Variants in TAF4B observed in about 807,000 individuals in gnomAD.
The protein encoded by TAF4B is transcription initiation factor TFIID subunit 4B.
In TAF4B, 38 loss-of-function variants were observed where a neutral mutation model predicts 86.4. The ratio of observed to expected loss-of-function variants is 0.44; its 90% CI spans 0.34 to 0.58. TAF4B has a LOEUF of 0.58. TAF4B is among the 20% of genes least tolerant of loss of function. The probability of loss-of-function intolerance (pLI) is 0.02; values close to 1 mark genes in which losing one functional copy is unlikely to be tolerated. For missense variants in TAF4B, 988 were observed against 1,027.6 expected, an observed-to-expected ratio of 0.96 and a Z score of 0.53; for synonymous variants, 388 against 391.2, an observed-to-expected ratio of 0.99 and a Z score of 0.10.
chr18:26,333,617 G>C (rs1265071980), intron 12 of TAF4B, among the ~76,000 whole-genome samples: 1 of 152,084 alleles, frequency 6.6e-6, no homozygotes, highest in Non-Finnish European at 1.5e-5. Context: ...TCTCGAACTT[G>C]AGCTCAAATA....
At chr18:26,343,075 T>A (rs2144710026) in intron 13 of TAF4B, among the ~76,000 whole-genome samples, 1 of 152,296 alleles carries the variant, frequency 6.6e-6, no homozygotes, top group Admixed American at 6.5e-5. Flanking sequence ...GAAAGGTAAA[T>A]AGTAAACAGA....
intron 1 of TAF4B, among the ~76,000 whole-genome samples, chr18:26,259,955 GA>G (rs1363818758): frequency 6.6e-6 from 1 of 152,130 alleles, no homozygotes. Context: ...GTTGTTTCCT[GA>G]CTTTTTAATG....
At chr18:26,308,262 G>T (rs1011763675) in intron 9 of TAF4B, among the ~76,000 whole-genome samples, 3 of 152,074 alleles carry the variant, frequency 2.0e-5, no homozygotes, top group African/African-American at 7.2e-5. Flanking sequence ...AGAGAAAAAA[G>T]AAATGAGGTT....
intron 14 of TAF4B, among the ~76,000 whole-genome samples, chr18:26,361,843 A>G (rs2057334673): frequency 1.3e-5 from 2 of 151,922 alleles, no homozygotes; most frequent in Non-Finnish European, 2.9e-5. Context: ...GTACAGGACA[A>G]CTCACTGCTC....
At chr18:26,257,619 C>G (rs1488285377) in intron 1 of TAF4B, among the ~76,000 whole-genome samples, 1 of 152,066 alleles carries the variant, frequency 6.6e-6, no homozygotes, top group African/African-American at 2.4e-5. Context: ...ACTTTTTCCT[C>G]TATACTTTTC....
intron 11 of TAF4B, among the ~76,000 whole-genome samples, chr18:26,326,784 G>GA (rs1459178612): frequency 9.9e-5 from 15 of 152,082 alleles, no homozygotes; most frequent in Non-Finnish European, 7.4e-5. Flanking sequence ...AAAGTTCTTT[G>GA]AAACATAACT....
intron 10 of TAF4B, among the ~76,000 whole-genome samples, chr18:26,316,646 A>C (rs1024087863): frequency 6.6e-6 from 1 of 152,074 alleles, no homozygotes. Context: ...CCGCCTCCCA[A>C]AGTGCTGGGA....
At chr18:26,325,492 C>T (rs945756957) in intron 11 of TAF4B, among the ~76,000 whole-genome samples, 4 of 152,120 alleles carry the variant, frequency 2.6e-5, no homozygotes, top group Middle Eastern at 3.4e-3. Flanking sequence ...AGGGAGGGCA[C>T]TCATTTGTTT....
chr18:26,329,247 G>A (rs2057033111), intron 12 of TAF4B, among the ~76,000 whole-genome samples: 1 of 151,966 alleles, frequency 6.6e-6, no homozygotes, highest in African/African-American at 2.4e-5. Flanking sequence ...TGTAGAGACA[G>A]GATCTCCCTA....
chr18:26,247,893 A>G (rs1204250961), intron 1 of TAF4B, among the ~76,000 whole-genome samples: 1 of 151,146 alleles, frequency 6.6e-6, no homozygotes, highest in Non-Finnish European at 1.5e-5. Context: ...AGTAAAAAAA[A>G]TTGAGACAGG....
intron 10 of TAF4B, 145 bp downstream of exon 10, chr18:26,315,543 C>A: frequency 1.9e-6 from 1 of 517,142 alleles, no homozygotes; most frequent in Non-Finnish European, 3.2e-6. Flanking sequence ...ATGGGCATTA[C>A]AGAAAGAAGT....
intron 12 of TAF4B, among the ~76,000 whole-genome samples, chr18:26,330,803 A>G (rs2057043972): frequency 6.6e-6 from 1 of 152,160 alleles, no homozygotes; most frequent in African/African-American, 2.4e-5. Flanking sequence ...CTTGGTTCCC[A>G]TTATCCTTGA....
At chr18:26,290,407 C>T (rs187178632) in intron 7 of TAF4B, among the ~76,000 whole-genome samples, 172 of 152,196 alleles carry the variant, frequency 1.1e-3, no homozygotes, top group African/African-American at 3.7e-3. Context: ...TAAAGGAGGA[C>T]GGGTTTTAAA....
At chr18:26,325,882 G>T in intron 11 of TAF4B, among the ~76,000 whole-genome samples, 1 of 152,198 alleles carries the variant, frequency 6.6e-6, no homozygotes, top group South Asian at 2.1e-4. Flanking sequence ...CTTAAACTAT[G>T]TAATACTCTT....
chr18:26,286,080 G>A lies in TAF4B; in HGVS notation c.1171G>A (p.Val391Met), dbSNP rs776953539. 1.2e-5 allele frequency: 19 copies of A among 1,614,202 alleles called. No homozygotes were observed. Among genetic ancestry groups the A allele is most frequent in the Non-Finnish European group, 1.7e-6 (2 of 1,180,034 alleles). Residue 391 changes from valine to methionine, a missense_variant, in exon 7 of 15, where the codon GTG (valine) becomes ATG (methionine). This residue lies in a region of TAF4B where 747 missense variants were observed against 737.9 expected (regional missense o/e 1.01). Transcript: ENST00000269142. Reference sequence around the variant, plus strand: ...TTCTGGAGCAACAGCACCCAGAACTGTGTCAGTGCAAACTTTGAACCCACT... The same window carrying A: ...TTCTGGAGCAACAGCACCCAGAACTATGTCAGTGCAAACTTTGAACCCACT... ...IVSGATAPRT[V>M]SVQTLNPLAG...
intron 12 of TAF4B, among the ~76,000 whole-genome samples, chr18:26,331,132 A>G (rs1470834962): frequency 6.6e-6 from 1 of 152,198 alleles, no homozygotes; most frequent in East Asian, 1.9e-4. Flanking sequence ...TGCACTGGGA[A>G]GAGCAGGAAG....
intron 9 of TAF4B, among the ~76,000 whole-genome samples, chr18:26,302,335 A>G (rs866180762): frequency 2.8e-4 from 39 of 137,298 alleles, no homozygotes; most frequent in Admixed American, 2.4e-3. Flanking sequence ...ATAGTCTCCT[A>G]TATTGTCTTC....
chr18:26,361,917 TTCA>T (rs751607511), intron 14 of TAF4B, among the ~76,000 whole-genome samples: 52 of 152,118 alleles, frequency 3.4e-4, no homozygotes, highest in Non-Finnish European at 2.1e-4. Context: ...GGTGTGCTAT[TTCA>T]TCATTAAGTA....
At chr18:26,360,088 T>A (rs1281678336) in intron 14 of TAF4B, among the ~76,000 whole-genome samples, 1 of 152,162 alleles carries the variant, frequency 6.6e-6, no homozygotes, top group African/African-American at 2.4e-5. Context: ...AAAATTTTCA[T>A]CCCTCAGATT....
Sources: allele counts gnomAD v4.1 joint callset (sites outside exome capture counted in the v4.1 genomes callset), GRCh38; gene constraint gnomAD v4.1.1; regional missense constraint gnomAD v4.1.1; transcripts MANE v1.5; gene names NCBI Gene and HGNC (gene_info 2026-07-23, HGNC 2026-07-21).